Variants in HEATR6 observed in about 807,000 individuals in gnomAD.
HEATR6 encodes the protein HEAT repeat containing 6, also known as HEAT repeat-containing protein 6.
A neutral mutation model predicts 132.8 loss-of-function variants in HEATR6; 106 were observed. That is an observed-to-expected ratio of 0.80 (90% CI 0.68 to 0.94). HEATR6 has a LOEUF of 0.94. Among genes scored for constraint, HEATR6 ranks in the 40% least tolerant of loss-of-function variants. The probability of loss-of-function intolerance (pLI) is 0.00; values close to 1 mark genes in which losing one functional copy is unlikely to be tolerated. For synonymous variants in HEATR6, 529 were observed against 537.8 expected, an observed-to-expected ratio of 0.98 and a Z score of 0.23; for missense variants, 1,339 against 1,425.1, an observed-to-expected ratio of 0.94 and a Z score of 0.97.
Position 60,057,194 on chromosome 17 carries a change from T to C in HEATR6, c.1933A>G (p.Lys645Glu). 1.9e-6 allele frequency: 3 copies of C among 1,614,174 alleles called. No individual in the cohort carries two copies. Among genetic ancestry groups the C allele is most frequent in the South Asian group, 2.2e-5 (2 of 91,086 alleles). Reference protein sequence around the residue: ...SLEETSVSSPKGSSEPCWLIR... With the variant: ...SLEETSVSSPEGSSEPCWLIR... ...AGCCAGCAGGGCTCTGAAGACCCCT[T>C]AGGTGAGCTAACTGACGTTTCTTCC... Residue 645 changes from lysine (K) to glutamate (E), a missense_variant, in exon 12 of 20, where the codon AAG becomes GAG. Physicochemically the swap from Lys to Glu is moderately conservative, Grantham distance 56. Transcript: ENST00000184956.
At position 60,055,621 on chromosome 17, in the gene HEATR6, C is replaced by T. The variant is rs1315802685; in HGVS notation, c.2203-20G>A. 2 of 1,577,324 alleles carry T rather than the reference C, an allele frequency of 1.3e-6. No individual in the cohort carries two copies. The highest frequency in any genetic ancestry group is 1.4e-5 in the African/African-American group (1 of 74,030). ...CAGAAGCTGCCAAGAAAAAGAATTACCGAAGTGGAGCATCAGAACTAATGA... is the reference window on the plus strand; with the variant it reads ...CAGAAGCTGCCAAGAAAAAGAATTATCGAAGTGGAGCATCAGAACTAATGA... On this transcript the variant is annotated intron_variant, in intron 13 of 19. Coordinates refer to ENST00000184956, the MANE Select transcript of HEATR6 (RefSeq NM_022070.5).
Position 60,043,826 on chromosome 17 carries a change from G to A in HEATR6, c.3283C>T (p.Leu1095Phe). 6.2e-7 allele frequency: 1 copy of A among 1,614,202 alleles called. No individual in the cohort carries two copies. Among genetic ancestry groups the A allele is most frequent in the South Asian group, 1.1e-5 (1 of 91,086 alleles). The change falls in exon 20 of 20, where the codon CTT becomes TTT. Residue 1095 changes from leucine to phenylalanine, a missense_variant. Transcript: ENST00000184956. ...TGGACCATATTCCCACTCAGTTCAA[G>A]GGTTTCTTTCATACAAGGGAGGTCC... ...ASDLPCMKET[L>F]ELSGNMVQSY...
At chr17:60,051,279 T>G (rs1042690668) in intron 14 of HEATR6, among the ~76,000 whole-genome samples, 3 of 152,248 alleles carry the variant, frequency 2.0e-5, no homozygotes, top group African/African-American at 7.2e-5. Context: ...CTAATGTTCT[T>G]CAGAGAGCTC....
In HEATR6 at chr17:60,043,799, A is replaced by G; in HGVS notation, c.3310T>C (p.Ser1104Pro). The G allele has an allele frequency of 1.2e-6, 2 of 1,614,190 alleles. No individual in the cohort carries two copies. Among genetic ancestry groups the G allele is most frequent in the Non-Finnish European group, 1.7e-6 (2 of 1,180,028 alleles). Reference protein sequence around the residue: ...TLELSGNMVQSYILQFLKSGA... With the variant: ...TLELSGNMVQPYILQFLKSGA... Reference sequence around the variant, plus strand: ...GATTTTAAAAACTGTAGAATATAGGACTGGACCATATTCCCACTCAGTTCA... The same window carrying G: ...GATTTTAAAAACTGTAGAATATAGGGCTGGACCATATTCCCACTCAGTTCA... Residue 1104 changes from serine (S) to proline (P), a missense_variant, in exon 20 of 20, where the codon TCC becomes CCC. Coordinates refer to ENST00000184956, the MANE Select transcript of HEATR6 (RefSeq NM_022070.5).
intron 14 of HEATR6, among the ~76,000 whole-genome samples, chr17:60,051,323 A>T (rs1485653209): frequency 6.6e-6 from 1 of 152,234 alleles, no homozygotes; most frequent in Non-Finnish European, 1.5e-5. Context: ...AGTATTTTAC[A>T]AGTATCAACT....
At chr17:60,057,664 T>G (rs544205030) in intron 11 of HEATR6, among the ~76,000 whole-genome samples, 6 of 152,286 alleles carry the variant, frequency 3.9e-5, no homozygotes, top group African/African-American at 1.4e-4. Context: ...TATAAGACAA[T>G]TGGGTTGGAT....
chr17:60,054,038 A>G (rs1906664890), intron 14 of HEATR6, among the ~76,000 whole-genome samples: 1 of 152,178 alleles, frequency 6.6e-6, no homozygotes, highest in South Asian at 2.1e-4. Context: ...GGCATTCTAG[A>G]AATCTTTGAG....
Position 60,057,117 on chromosome 17 carries a change from T to C in HEATR6, c.2010A>G (p.Ser670=). ...CTGCTGCAGAGCCAGCATCGCTACC[T>C]GAACAGGAATCCTCCTTGGGCAGTA... is the stretch of plus-strand genomic sequence containing the variant. ...IVVLPKEDSC[S]GSDAGSAAGS... is the part of the protein sequence containing the mutation. Residue 670 remains serine, a synonymous_variant, in exon 12 of 20, where the codon TCA becomes TCG. Transcript: ENST00000184956. 1 of 1,614,100 alleles carries C rather than the reference T, an allele frequency of 6.2e-7. No homozygotes were observed. The highest frequency in any genetic ancestry group is 1.1e-5 in the South Asian group (1 of 91,082).
At chr17:60,073,353 CT>C in intron 3 of HEATR6, 74 bp from the exon 4 acceptor site, 1 of 904,060 alleles carries the variant, frequency 1.1e-6, no homozygotes, top group Non-Finnish European at 1.8e-6. Flanking sequence ...CAGATTTCTT[CT>C]TTCTTTTTTT....
Position 60,043,654 on chromosome 17 carries a change from C to T in HEATR6, c.3455G>A (p.Arg1152Lys). 6.2e-7 allele frequency: 1 copy of T among 1,614,152 alleles called. No homozygotes were observed. The highest frequency in any genetic ancestry group is 8.5e-7 in the Non-Finnish European group (1 of 1,180,040). The change falls in exon 20 of 20, where the codon AGG becomes AAG. Residue 1152 changes from arginine (R) to lysine (K), a missense_variant. Transcript: ENST00000184956. ...IQAPTGDTARRAIMGFLEEIL... is the reference protein window; with the variant it reads ...IQAPTGDTARKAIMGFLEEIL... ...CTCTTCTAAAAAGCCCATGATGGCC[C>T]TTCTGGCTGTGTCTCCAGTTGGTGC...
rs377636666 is a variant in HEATR6 at position 60,057,191 on chromosome 17, C to G, written c.1936G>C (p.Gly646Arg). The change falls in exon 12 of 20, where the codon GGG (glycine) becomes CGG (arginine). Residue 646 changes from glycine to arginine, a missense_variant. Transcript: ENST00000184956. ...ATGAGCCAGCAGGGCTCTGAAGACCCCTTAGGTGAGCTAACTGACGTTTCT... is the reference window on the plus strand; with the variant it reads ...ATGAGCCAGCAGGGCTCTGAAGACCGCTTAGGTGAGCTAACTGACGTTTCT... ...LEETSVSSPK[G>R]SSEPCWLIRL... 11 of 1,614,116 alleles carry G rather than the reference C, an allele frequency of 6.8e-6. No homozygotes were observed. Among genetic ancestry groups the G allele is most frequent in the African/African-American group, 2.7e-5 (2 of 75,014 alleles).
intron 9 of HEATR6, among the ~76,000 whole-genome samples, chr17:60,065,572 A>C (rs1201943924): frequency 6.6e-6 from 1 of 152,256 alleles, no homozygotes; most frequent in Non-Finnish European, 1.5e-5. Context: ...AACATATTCA[A>C]GCGAGGCAAA....
At chr17:60,055,775 C>T (rs1056344819) in intron 13 of HEATR6, among the ~76,000 whole-genome samples, 174 bp from the exon 14 acceptor site, 6 of 152,236 alleles carry the variant, frequency 3.9e-5, no homozygotes, top group African/African-American at 1.2e-4. Context: ...AACACCTTCA[C>T]TTGAGTTTGG....
rs750330410 is a variant in HEATR6, at chr17:60,050,947, C to T, written c.2320G>A (p.Gly774Ser). The change falls in exon 15 of 20, where the codon GGT (glycine) becomes AGT (serine). Residue 774 changes from glycine to serine, a missense_variant. By Grantham distance (56) the Gly-to-Ser change is moderately conservative. Coordinates refer to ENST00000184956, the MANE Select transcript of HEATR6 (RefSeq NM_022070.5). ...TTCTGCAGGGCTCTGGGTAAAGGAC[C>T]GTTCAGCATCATAGTCCAGAACATC... ...VVMFWTMMLN[G>S]PLPRALQNSE... The T allele has an allele frequency of 6.4e-5, 104 of 1,614,036 alleles. No individual in the cohort carries two copies. Among genetic ancestry groups the T allele is most frequent in the Non-Finnish European group, 8.5e-5 (100 of 1,180,030 alleles).
intron 17 of HEATR6, 30 bp from the exon 18 acceptor site, chr17:60,047,435 TA>T: frequency 7.3e-7 from 1 of 1,372,360 alleles, no homozygotes; most frequent in Non-Finnish European, 1.0e-6. Context: ...CAACACATGT[TA>T]AAAGGTAAAT....
chr17:60,067,269 C>CAAAAAAA (rs11339664), intron 8 of HEATR6, among the ~76,000 whole-genome samples, 165 bp downstream of exon 8: 1 of 61,112 alleles, frequency 1.6e-5, no homozygotes, highest in African/African-American at 4.7e-5. Context: ...GACTCCGTCT[C>CAAAAAAA]AAAAAAAAAA....
At position 60,059,994 on chromosome 17, in the gene HEATR6, G is replaced by C. The variant is rs373413243; in HGVS notation, c.1519C>G (p.Pro507Ala). The C allele has an allele frequency of 6.2e-6, 10 of 1,613,716 alleles. No individual in the cohort carries two copies. Among genetic ancestry groups the C allele is most frequent in the African/African-American group, 1.3e-5 (1 of 74,910 alleles). ...CTGCAAGCGATCATTACGGAGAAGG[G>C]GGTAAAAGCCCTTCTGTGGTCACTG... Reference protein sequence around the residue: ...DTSDHRRAFTPFSVMIACSIR... With the variant: ...DTSDHRRAFTAFSVMIACSIR... The change falls in exon 10 of 20, where the codon CCC becomes GCC. Residue 507 changes from proline to alanine, a missense_variant. Coordinates refer to ENST00000184956, the MANE Select transcript of HEATR6 (RefSeq NM_022070.5).
intron 6 of HEATR6, among the ~76,000 whole-genome samples, chr17:60,070,094 G>T (rs189330742): frequency 1.2e-3 from 188 of 152,194 alleles, no homozygotes; most frequent in African/African-American, 4.4e-3. Flanking sequence ...ATCAAATCAG[G>T]TCTGGTTTTA....
intron 4 of HEATR6, among the ~76,000 whole-genome samples, chr17:60,072,883 TA>T (rs1390024689): frequency 6.6e-6 from 1 of 152,220 alleles, no homozygotes; most frequent in Non-Finnish European, 1.5e-5. Flanking sequence ...TTAATATGCT[TA>T]GAATTTATAT....
Sources: gnomAD v4.1 joint callset for allele counts (sites outside exome capture counted in the v4.1 genomes callset) on GRCh38, gnomAD v4.1.1 for gene constraint, MANE v1.5 for transcripts, NCBI Gene and HGNC (gene_info 2026-07-23, HGNC 2026-07-21) for gene names.